The following BCAS1 variants were observed in gnomAD, a reference collection of about 807,000 sequenced individuals.
BCAS1 encodes the protein brain enriched myelin associated protein 1.
BCAS1 carries 46 observed loss-of-function variants against 65.4 expected under a neutral mutation model. The observed-to-expected ratio is 0.70, with a 90% CI of 0.55 to 0.90. The LOEUF is 0.90. BCAS1 is among the 40% of genes least tolerant of loss of function. The pLI is 0.00. For missense variants in BCAS1, 793 were observed against 771.2 expected (o/e 1.03, Z -0.33); for synonymous variants, 298 against 293.5 (o/e 1.02, Z -0.16).
intron 4 of BCAS1, among the ~76,000 whole-genome samples, chr20:54,024,895 A>G (rs158546): frequency 0.36 from 55,043 of 151,776 alleles, 10,007 homozygotes; most frequent in South Asian, 0.46. Context: ...AGAAAAGAAG[A>G]GAAGTGAAAA....
intron 4 of BCAS1, among the ~76,000 whole-genome samples, chr20:54,025,171 C>T (rs2091645018): frequency 6.6e-6 from 1 of 152,194 alleles, no homozygotes; most frequent in South Asian, 2.1e-4. Context: ...CACCCCCACT[C>T]AACACAAACA....
At chr20:54,047,903 G>A (rs1030336897) in intron 3 of BCAS1, among the ~76,000 whole-genome samples, 3 of 152,166 alleles carry the variant, frequency 2.0e-5, no homozygotes, top group African/African-American at 7.2e-5. Context: ...TAAATGAAGA[G>A]GATGAAGGGA....
chr20:53,968,390 T>A lies in BCAS1; in HGVS notation c.1318-1317A>T, dbSNP rs576236008. Among the ~76,000 whole-genome samples, 6 of 152,118 alleles carry A rather than the reference T, an allele frequency of 3.9e-5. 1 individual carries two copies. The East Asian group carries it at 1.2e-3, about 29-fold the overall frequency. On this transcript the variant is annotated intron_variant, in intron 9 of 12. Coordinates refer to ENST00000688948, the MANE Select transcript of BCAS1 (RefSeq NM_001366298.2). ...GAGCCTTGTTCTTGGTGTCAGGGGG[T>A]AGGGGAAGGGGACTTAGTTATTTCC...
chr20:54,026,692 C>A (rs1357084266), intron 4 of BCAS1, among the ~76,000 whole-genome samples: 1 of 152,224 alleles, frequency 6.6e-6, no homozygotes, highest in Non-Finnish European at 1.5e-5. Context: ...AATGGTTTCT[C>A]CACTCAGGCG....
chr20:53,979,653 G>C (rs772192388), intron 8 of BCAS1, among the ~76,000 whole-genome samples: 1 of 152,210 alleles, frequency 6.6e-6, no homozygotes, highest in Non-Finnish European at 1.5e-5. Context: ...TGGCTTGGGG[G>C]TGACCACCCA....
At chr20:53,996,141 C>T in intron 4 of BCAS1, 91 bp from the exon 5 acceptor site, 2 of 1,368,736 alleles carry the variant, frequency 1.5e-6, no homozygotes, top group Non-Finnish European at 2.0e-6. Flanking sequence ...TCTCTTACCC[C>T]CTAATTCCAG....
chr20:54,016,477 T>C (rs1326750093), intron 4 of BCAS1, among the ~76,000 whole-genome samples: 2 of 152,246 alleles, frequency 1.3e-5, no homozygotes. Flanking sequence ...ATTCGACTTA[T>C]TCTATTCTAG....
chr20:53,979,580 AG>A, intron 8 of BCAS1, among the ~76,000 whole-genome samples: 1 of 152,306 alleles, frequency 6.6e-6, no homozygotes, highest in East Asian at 1.9e-4. Flanking sequence ...TCCCAACAGC[AG>A]TGATGAGTGG....
At chr20:53,955,799 G>C (rs1430294807) in intron 11 of BCAS1, among the ~76,000 whole-genome samples, 1 of 81,476 alleles carries the variant, frequency 1.2e-5, no homozygotes, top group African/African-American at 3.0e-5. Flanking sequence ...GATGTTTCTA[G>C]CTTATTTGGA....
intron 4 of BCAS1, among the ~76,000 whole-genome samples, chr20:54,014,372 T>A (rs1192008753): frequency 6.6e-6 from 1 of 152,234 alleles, no homozygotes; most frequent in African/African-American, 2.4e-5. Context: ...CAATTTGTCA[T>A]GTTGAAAAAT....
At chr20:54,036,895 T>A (rs290462) in intron 3 of BCAS1, among the ~76,000 whole-genome samples, 1 of 150,864 alleles carries the variant, frequency 6.6e-6, no homozygotes, top group African/African-American at 2.4e-5. Flanking sequence ...CATAAGTATC[T>A]GGGCCAGGCA....
intron 12 of BCAS1, among the ~76,000 whole-genome samples, chr20:53,952,761 C>T (rs6013847): frequency 6.6e-6 from 1 of 152,202 alleles, no homozygotes; most frequent in Non-Finnish European, 1.5e-5. Flanking sequence ...AGGCAAACAC[C>T]TCATTGTACC....
chr20:54,057,558 C>T (rs1322886976), intron 3 of BCAS1, among the ~76,000 whole-genome samples: 1 of 152,254 alleles, frequency 6.6e-6, no homozygotes, highest in Non-Finnish European at 1.5e-5. Context: ...AGCTGTCACA[C>T]ACACTCAGAA....
In BCAS1 at chr20:54,058,633, G is replaced by A; in HGVS notation, c.72+14C>T. 2.2e-6 allele frequency: 3 copies of A among 1,395,138 alleles called. No individual in the cohort carries two copies. The highest frequency in any genetic ancestry group is 3.0e-6 in the Non-Finnish European group (3 of 1,015,936). The allele number at this position is 1,395,138 out of a possible 1,614,324, so 86.4% of individuals were successfully genotyped here. ...TTTTTTCTGCTGATGCCCCTGTAAT[G>A]GTTACTACACTACCTGGTAAGTCTC... On this transcript the variant is annotated intron_variant, in intron 2 of 12. Transcript: ENST00000688948.
At chr20:54,039,071 A>G (rs1395257769) in intron 3 of BCAS1, among the ~76,000 whole-genome samples, 1 of 151,474 alleles carries the variant, frequency 6.6e-6, no homozygotes, top group Admixed American at 6.6e-5. Flanking sequence ...AAGACCTCAA[A>G]AAATTATGCA....
At chr20:53,954,550 A>C (rs1429017794) in intron 11 of BCAS1, among the ~76,000 whole-genome samples, 1 of 152,182 alleles carries the variant, frequency 6.6e-6, no homozygotes, top group Non-Finnish European at 1.5e-5. Context: ...AAAAGAGATG[A>C]TTGTTTTATT....
chr20:53,998,429 A>T (rs2090974469), intron 4 of BCAS1, among the ~76,000 whole-genome samples: 1 of 152,214 alleles, frequency 6.6e-6, no homozygotes, highest in African/African-American at 2.4e-5. Context: ...GCTTACAATC[A>T]TGGCGGAAGG....
chr20:54,051,721 T>TTTTG (rs142001695), intron 3 of BCAS1, among the ~76,000 whole-genome samples: 19,735 of 137,810 alleles, frequency 0.14, 1,696 homozygotes, highest in African/African-American at 0.25. Context: ...CTGGTTTTTT[T>TTTTG]TTTGTTTGTT....
At chr20:54,009,908 G>T (rs1377297961) in intron 4 of BCAS1, among the ~76,000 whole-genome samples, 1 of 152,164 alleles carries the variant, frequency 6.6e-6, no homozygotes, top group Non-Finnish European at 1.5e-5. Context: ...CTATAGGTTT[G>T]CAAGCTTGAT....
Sources: gnomAD v4.1 joint callset for allele counts (sites outside exome capture counted in the v4.1 genomes callset) on GRCh38, gnomAD v4.1.1 for gene constraint, MANE v1.5 for transcripts, NCBI Gene and HGNC (gene_info 2026-07-23, HGNC 2026-07-21) for gene names.